The following MPHOSPH9 variants were observed in gnomAD, a reference collection of about 807,000 sequenced individuals.
MPHOSPH9 encodes M-phase phosphoprotein 9.
Under a neutral mutation model 145.5 loss-of-function variants are expected in MPHOSPH9, and 88 were observed. The observed-to-expected ratio is 0.60, with a 90% CI of 0.51 to 0.72. The LOEUF (loss-of-function observed/expected upper bound fraction) is 0.72, where lower values mean the gene tolerates loss of function less well. MPHOSPH9 is among the 30% of genes least tolerant of loss of function. MPHOSPH9 has a pLI of 0.00. For missense variants in MPHOSPH9, 1,238 were observed against 1,386.6 expected, an observed-to-expected ratio of 0.89 and a Z score of 1.70; for synonymous variants, 435 against 486.2, an observed-to-expected ratio of 0.89 and a Z score of 1.39.
intron 21 of MPHOSPH9, 80 bp from the exon 22 acceptor site, chr12:123,161,463 A>G (rs2044104149): frequency 6.7e-7 from 1 of 1,489,976 alleles, no homozygotes. Flanking sequence ...ATGTTGCCCA[A>G]TTTCACTTTC....
intron 16 of MPHOSPH9, among the ~76,000 whole-genome samples, chr12:123,170,820 TCTGA>T (rs1214390559): frequency 6.6e-6 from 1 of 152,206 alleles, no homozygotes; most frequent in Non-Finnish European, 1.5e-5. Flanking sequence ...CTTCAACCTC[TCTGA>T]CTGTTGCCAA....
intron 13 of MPHOSPH9, among the ~76,000 whole-genome samples, chr12:123,193,041 C>T (rs2045760868): frequency 7.1e-6 from 1 of 141,036 alleles, no homozygotes; most frequent in Admixed American, 7.6e-5. Flanking sequence ...CACTGCACTC[C>T]AGCCTGGGCG....
rs2044275010 is a variant in MPHOSPH9 at position 123,165,416 on chromosome 12, T to C, written c.2653A>G (p.Lys885Glu). 1 of 1,613,948 alleles carries C rather than the reference T, an allele frequency of 6.2e-7. No homozygotes were observed. The highest frequency in any genetic ancestry group is 1.7e-5 in the Admixed American group (1 of 59,992). ...PGSSSTSLLI[K>E]KQRETSDTPI... ...GTGTCTGAAGTCTCTCTTTGCTTTT[T>C]TATCAACAAGCTTGTTGATGAACTT... The change falls in exon 18 of 24, where the codon AAA becomes GAA. Residue 885 changes from lysine (K) to glutamate (E), a missense_variant. Lys to Glu is a moderately conservative substitution (Grantham distance 56). Transcript: ENST00000606320.
chr12:123,209,895 C>T (rs2046629441), intron 8 of MPHOSPH9, among the ~76,000 whole-genome samples, 161 bp downstream of exon 8: 2 of 151,958 alleles, frequency 1.3e-5, no homozygotes, highest in African/African-American at 2.4e-5. Context: ...CGCCACCACG[C>T]CCAGCTAATT....
intron 13 of MPHOSPH9, among the ~76,000 whole-genome samples, chr12:123,185,890 A>G (rs1388413533): frequency 1.3e-5 from 2 of 152,178 alleles, no homozygotes; most frequent in African/African-American, 2.4e-5. Flanking sequence ...TATTAGTATT[A>G]TATCAATGTT....
intron 12 of MPHOSPH9, among the ~76,000 whole-genome samples, chr12:123,196,050 A>T (rs12827129): frequency 0.019 from 2,831 of 151,756 alleles, 47 homozygotes; most frequent in Middle Eastern, 0.031. Context: ...AAAAAAAGGC[A>T]AAGATGAAAA....
chr12:123,171,833 C>A (rs754861591), intron 16 of MPHOSPH9, among the ~76,000 whole-genome samples: 2 of 152,082 alleles, frequency 1.3e-5, no homozygotes, highest in Non-Finnish European at 2.9e-5. Context: ...TTCATGCCAA[C>A]CATCCAGCTT....
intron 1 of MPHOSPH9, among the ~76,000 whole-genome samples, chr12:123,243,555 A>C (rs2047982569): frequency 6.6e-6 from 1 of 150,470 alleles, no homozygotes; most frequent in Non-Finnish European, 1.5e-5. Context: ...AAATACAAAA[A>C]TTAGCTAGGT....
chr12:123,193,213 A>G (rs1345473229), intron 13 of MPHOSPH9, among the ~76,000 whole-genome samples: 1 of 151,222 alleles, frequency 6.6e-6, no homozygotes, highest in Non-Finnish European at 1.5e-5. Context: ...AGAAAGCCAC[A>G]CTGTGACCCT....
intron 16 of MPHOSPH9, among the ~76,000 whole-genome samples, chr12:123,176,460 GAAC>G (rs1168891887): frequency 6.6e-6 from 1 of 152,132 alleles, no homozygotes; most frequent in Non-Finnish European, 1.5e-5. Context: ...GCTGGGCAAA[GAAC>G]AAAATACATT....
chr12:123,161,332 C>A lies in MPHOSPH9; in HGVS notation c.3185G>T (p.Cys1062Phe), dbSNP rs769035138. 11 of 1,613,942 alleles carry A rather than the reference C, an allele frequency of 6.8e-6. No homozygotes were observed. The highest frequency in any genetic ancestry group is 3.3e-5 in the Admixed American group (2 of 59,992). The stretch of plus-strand genomic sequence containing the variant: ...CACTCCATTTGGCACCGGTTCAGGG[C>A]AAGAGCTATGATTAACATGGTTATC... ...ATDNHVNHSS[C>F]PEPVPNGVKK... Residue 1062 changes from cysteine to phenylalanine, a missense_variant, in exon 22 of 24, where the codon TGC (cysteine) becomes TTC (phenylalanine). Cys to Phe is a radical substitution (Grantham distance 205). Around this residue, in one of 3 missense-constraint regions of MPHOSPH9, gnomAD observed 393 missense variants for 462.5 expected, o/e 0.85. Coordinates refer to ENST00000606320, the MANE Select transcript of MPHOSPH9 (RefSeq NM_022782.4).
rs1240237469 is a variant in MPHOSPH9 at position 123,194,565 on chromosome 12, C to T, written c.2062G>A (p.Ala688Thr). The T allele has an allele frequency of 1.2e-6, 2 of 1,612,222 alleles. No individual in the cohort carries two copies. The highest frequency in any genetic ancestry group is 1.1e-5 in the South Asian group (1 of 90,628). The part of the protein sequence containing the change: ...LRERFSAASS[A>T]SKILQERIEE... ...ATTCGTTCCTGCAAAATTTTGGAAG[C>T]ACTGCTGGCTGCACTGAAGCGTTCT... Residue 688 changes from alanine to threonine, a missense_variant, in exon 13 of 24, where the codon GCT (alanine) becomes ACT (threonine). This residue lies in a region of MPHOSPH9 where 837 missense variants were observed against 897.5 expected (regional missense o/e 0.93). Coordinates refer to ENST00000606320, the MANE Select transcript of MPHOSPH9 (RefSeq NM_022782.4).
intron 13 of MPHOSPH9, among the ~76,000 whole-genome samples, 193 bp downstream of exon 13, chr12:123,194,193 C>G (rs1374803017): frequency 6.6e-6 from 1 of 151,988 alleles, no homozygotes; most frequent in African/African-American, 2.4e-5. Flanking sequence ...CTCTTGAGCC[C>G]GGGAGGTGGA....
chr12:123,222,572 T>C (rs527614955), intron 4 of MPHOSPH9, among the ~76,000 whole-genome samples: 1 of 152,146 alleles, frequency 6.6e-6, no homozygotes, highest in South Asian at 2.1e-4. Context: ...GAGAATTGCT[T>C]GAACCTGGGA....
chr12:123,166,628 A>G, intron 17 of MPHOSPH9, 27 bp downstream of exon 17: 1 of 1,608,294 alleles, frequency 6.2e-7, no homozygotes, highest in Non-Finnish European at 8.5e-7. Flanking sequence ...ACATCCCTAA[A>G]TAGAATCTTT....
chr12:123,204,397 A>G (rs575147570), intron 8 of MPHOSPH9, among the ~76,000 whole-genome samples: 24 of 152,298 alleles, frequency 1.6e-4, no homozygotes, highest in South Asian at 8.3e-4. Context: ...CTGAAGAAAA[A>G]GCACCAAGAG....
At chr12:123,191,138 A>G (rs1054744512) in intron 13 of MPHOSPH9, among the ~76,000 whole-genome samples, 2 of 152,014 alleles carry the variant, frequency 1.3e-5, no homozygotes, top group African/African-American at 2.4e-5. Flanking sequence ...CCTGACCAAC[A>G]TGGAGAAACC....
rs1187518040 is a variant in MPHOSPH9, at chr12:123,161,216, C to A, written c.3301G>T (p.Asp1101Tyr). 9 of 1,614,048 alleles carry A rather than the reference C, an allele frequency of 5.6e-6. No homozygotes were observed. The highest frequency in any genetic ancestry group is 1.3e-5 in the African/African-American group (1 of 74,922). The part of the protein sequence containing the change: ...KPVSVTPQGN[D>Y]FEYTAKIRTL... ...CGAATTTTTGCTGTATATTCAAAAT[C>A]ATTCCCCTGTGGAGTGACTGAAACC... The change falls in exon 22 of 24, where the codon GAT (aspartate) becomes TAT (tyrosine). Residue 1101 changes from aspartate to tyrosine, a missense_variant. Asp to Tyr is a radical substitution (Grantham distance 160). This residue lies in a region of MPHOSPH9 where 393 missense variants were observed against 462.5 expected (regional missense o/e 0.85). Transcript: ENST00000606320.
At chr12:123,185,726 A>G (rs897475514) in intron 13 of MPHOSPH9, among the ~76,000 whole-genome samples, 2 of 152,174 alleles carry the variant, frequency 1.3e-5, no homozygotes, top group African/African-American at 4.8e-5. Flanking sequence ...AGCCTGGGTG[A>G]CAGAGTGAGA....
Sources: allele counts gnomAD v4.1 joint callset (sites outside exome capture counted in the v4.1 genomes callset), GRCh38; gene constraint gnomAD v4.1.1; regional missense constraint gnomAD v4.1.1; transcripts MANE v1.5; gene names NCBI Gene and HGNC (gene_info 2026-07-23, HGNC 2026-07-21).